GPC5: variants seen among roughly 807,000 people sequenced by gnomAD.
The protein encoded by GPC5 is glypican-5.
In GPC5, 47 loss-of-function variants were observed where a neutral mutation model predicts 53.9. The ratio of observed to expected loss-of-function variants is 0.87; its 90% CI spans 0.69 to 1.11. GPC5 has a LOEUF of 1.11. Ranked by LOEUF, GPC5 falls within the 50% of genes most tolerant of loss-of-function variation. The pLI is 0.00. For missense variants in GPC5, 748 were observed against 713.1 expected, an observed-to-expected ratio of 1.05 and a Z score of -0.56; for synonymous variants, 286 against 263.3, an observed-to-expected ratio of 1.09 and a Z score of -0.84.
At chr13:91,571,825 A>G (rs111768821) in intron 2 of GPC5, among the ~76,000 whole-genome samples, 2,882 of 80,180 alleles carry the variant, frequency 0.036, 198 homozygotes, top group South Asian at 0.11. Context: ...GTGTGTGTAT[A>G]TATACACATA....
chr13:91,714,871 CA>C (rs1397345346), intron 3 of GPC5, among the ~76,000 whole-genome samples: 4 of 152,174 alleles, frequency 2.6e-5, no homozygotes, highest in Admixed American at 6.5e-5. Flanking sequence ...TAGAAGAAAA[CA>C]GCTTTGTTGA....
chr13:92,250,570 C>T (rs2042685375), intron 7 of GPC5, among the ~76,000 whole-genome samples: 1 of 152,046 alleles, frequency 6.6e-6, no homozygotes, highest in Admixed American at 6.6e-5. Flanking sequence ...AAGTTGCAGG[C>T]CATTCCATGG....
At chr13:91,657,837 C>T (rs770617074) in intron 2 of GPC5, among the ~76,000 whole-genome samples, 3 of 152,018 alleles carry the variant, frequency 2.0e-5, no homozygotes, top group African/African-American at 2.4e-5. Context: ...GACTCAGTTA[C>T]GCATACATGT....
chr13:92,472,104 G>A (rs1442093443), intron 7 of GPC5, among the ~76,000 whole-genome samples: 1 of 152,016 alleles, frequency 6.6e-6, no homozygotes, highest in Non-Finnish European at 1.5e-5. Context: ...CAGAAACCAT[G>A]GATTTGGGAT....
At position 92,741,380 on chromosome 13, in the gene GPC5, C is replaced by T. The variant is rs202178953; in HGVS notation, c.1562-124902C>T. ...TTTGCCGTGGGAGGCTCTGAGCTTT[C>T]CTGGGACTCTGCAGAGAGTCCCCAT... On this transcript the variant is annotated intron_variant, in intron 7 of 7. Coordinates refer to ENST00000377067, the MANE Select transcript of GPC5 (RefSeq NM_004466.6). 5.3e-5 allele frequency among the ~76,000 whole-genome samples: 8 copies of T among 151,956 alleles called. No individual in the cohort carries two copies. The East Asian group carries it at 1.6e-3, about 30-fold the overall frequency.
intron 6 of GPC5, among the ~76,000 whole-genome samples, chr13:92,141,596 G>C (rs1351949289): frequency 6.6e-6 from 1 of 152,104 alleles, no homozygotes; most frequent in African/African-American, 2.4e-5. Flanking sequence ...GTTAGAGAGT[G>C]TATTCATGTA....
At chr13:92,260,852 C>G (rs2042761611) in intron 7 of GPC5, among the ~76,000 whole-genome samples, 1 of 152,130 alleles carries the variant, frequency 6.6e-6, no homozygotes, top group African/African-American at 2.4e-5. Context: ...TTTCTCTTGA[C>G]TTTAGATGTG....
chr13:92,367,989 C>T (rs905520635), intron 7 of GPC5, among the ~76,000 whole-genome samples: 2 of 151,906 alleles, frequency 1.3e-5, no homozygotes, highest in African/African-American at 2.4e-5. Context: ...GTGTGTGTGG[C>T]GGGGGCAGGC....
intron 2 of GPC5, among the ~76,000 whole-genome samples, chr13:91,539,774 T>C (rs1032413020): frequency 2.0e-5 from 3 of 152,156 alleles, no homozygotes; most frequent in African/African-American, 7.2e-5. Context: ...ATAATGCATA[T>C]CTAATTGTTC....
intron 1 of GPC5, among the ~76,000 whole-genome samples, chr13:91,415,471 G>A (rs1191962337): frequency 2.0e-5 from 3 of 152,056 alleles, no homozygotes; most frequent in East Asian, 1.9e-4. Context: ...GTCCACAGCC[G>A]CACATAGACC....
intron 2 of GPC5, among the ~76,000 whole-genome samples, chr13:91,625,400 G>C (rs1235383475): frequency 6.6e-6 from 1 of 152,020 alleles, no homozygotes; most frequent in South Asian, 2.1e-4. Context: ...TGAAGTCAAA[G>C]GAAGAATGAT....
chr13:92,205,069 G>T (rs1170259214), intron 7 of GPC5, among the ~76,000 whole-genome samples: 2 of 152,056 alleles, frequency 1.3e-5, no homozygotes, highest in Non-Finnish European at 2.9e-5. Context: ...TAGTAGAGAA[G>T]GGGTTTCACC....
chr13:92,285,325 T>A (rs138512323), intron 7 of GPC5, among the ~76,000 whole-genome samples: 2,140 of 152,244 alleles, frequency 0.014, 42 homozygotes, highest in African/African-American at 0.049. Context: ...CCAAGGTAAT[T>A]TATAGATTCA....
At chr13:92,584,989 T>G (rs1883490895) in intron 7 of GPC5, among the ~76,000 whole-genome samples, 1 of 151,956 alleles carries the variant, frequency 6.6e-6, no homozygotes, top group Non-Finnish European at 1.5e-5. Flanking sequence ...AACGCCTGGA[T>G]GCCTAGGCAA....
chr13:91,717,048 A>G (rs2036353878), intron 3 of GPC5, among the ~76,000 whole-genome samples: 1 of 152,200 alleles, frequency 6.6e-6, no homozygotes, highest in Admixed American at 6.5e-5. Context: ...CGTGCAAACC[A>G]AATGCTGGCA....
intron 7 of GPC5, among the ~76,000 whole-genome samples, chr13:92,555,882 A>G (rs9584039): frequency 1.3e-5 from 2 of 151,050 alleles, no homozygotes; most frequent in African/African-American, 4.9e-5. Context: ...ATTAGAGTGC[A>G]GCCAAGAAGA....
chr13:92,189,015 T>C (rs760221688), intron 7 of GPC5, among the ~76,000 whole-genome samples: 7 of 152,096 alleles, frequency 4.6e-5, no homozygotes, highest in Non-Finnish European at 8.8e-5. Context: ...GGAACTGGTG[T>C]AGGGGGAGGA....
intron 7 of GPC5, among the ~76,000 whole-genome samples, chr13:92,698,930 A>G (rs1887641904): frequency 2.0e-5 from 3 of 152,100 alleles, no homozygotes; most frequent in Admixed American, 6.6e-5. Flanking sequence ...AGGTTTTGGT[A>G]TCAGGATGAT....
chr13:91,492,224 T>C (rs1421134478), intron 2 of GPC5, among the ~76,000 whole-genome samples: 1 of 152,208 alleles, frequency 6.6e-6, no homozygotes, highest in Non-Finnish European at 1.5e-5. Context: ...GTGACTTAAA[T>C]AACAAAGATG....
Sources: gnomAD v4.1 joint callset for allele counts (sites outside exome capture counted in the v4.1 genomes callset) on GRCh38, gnomAD v4.1.1 for gene constraint, MANE v1.5 for transcripts, NCBI Gene and HGNC (gene_info 2026-07-23, HGNC 2026-07-21) for gene names.